SDK1: variants seen among roughly 807,000 people sequenced by gnomAD.
The protein encoded by SDK1 is sidekick cell adhesion molecule 1.
In SDK1, 157 loss-of-function variants were observed where a neutral mutation model predicts 245.5. The ratio of observed to expected loss-of-function variants is 0.64; its 90% CI spans 0.56 to 0.73. SDK1 has a LOEUF of 0.73. SDK1 is among the 30% of genes least tolerant of loss of function. SDK1 has a pLI of 0.00. For missense variants in SDK1, 3,583 were observed against 3,002.3 expected (o/e 1.19, Z -4.52); for synonymous variants, 1,647 against 1,278.5 (o/e 1.29, Z -6.15).
At chr7:4,050,835 C>G (rs1182959218) in intron 18 of SDK1, among the ~76,000 whole-genome samples, 1 of 145,586 alleles carries the variant, frequency 6.9e-6, no homozygotes, top group Non-Finnish European at 1.5e-5. Context: ...CATCTTTATT[C>G]TTTACTGTTA....
chr7:3,358,625 G>C (rs1166266386), intron 1 of SDK1, among the ~76,000 whole-genome samples: 1 of 152,094 alleles, frequency 6.6e-6, no homozygotes, highest in Non-Finnish European at 1.5e-5. Flanking sequence ...GTGCTTTCAG[G>C]AATTACTATG....
intron 1 of SDK1, among the ~76,000 whole-genome samples, chr7:3,476,339 C>T (rs965058836): frequency 6.6e-6 from 1 of 152,204 alleles, no homozygotes; most frequent in African/African-American, 2.4e-5. Flanking sequence ...GCCGTTACCG[C>T]TCCTGGTCGC....
chr7:3,977,876 A>G (rs1001773255), intron 13 of SDK1, among the ~76,000 whole-genome samples: 1 of 152,228 alleles, frequency 6.6e-6, no homozygotes, highest in African/African-American at 2.4e-5. Context: ...GCATGAAGGA[A>G]TGAATGAATG....
At chr7:3,449,363 C>T (rs1370545404) in intron 1 of SDK1, among the ~76,000 whole-genome samples, 1 of 151,018 alleles carries the variant, frequency 6.6e-6, no homozygotes, top group Non-Finnish European at 1.5e-5. Context: ...GGTACAAAAT[C>T]GTGCTTTCTA....
At chr7:4,129,637 C>A in intron 26 of SDK1, 1 of 1,319,320 alleles carries the variant, frequency 7.6e-7, no homozygotes, top group Non-Finnish European at 9.7e-7. Flanking sequence ...TGCAGTTGGG[C>A]CCTCAGATCT....
At chr7:3,581,129 A>T in intron 1 of SDK1, among the ~76,000 whole-genome samples, 1 of 152,200 alleles carries the variant, frequency 6.6e-6, no homozygotes, top group Admixed American at 6.6e-5. Flanking sequence ...ATTAAACTTA[A>T]TAGCTTTTGC....
chr7:3,983,511 G>C (rs1783578406), intron 13 of SDK1, among the ~76,000 whole-genome samples: 1 of 152,058 alleles, frequency 6.6e-6, no homozygotes, highest in African/African-American at 2.4e-5. Context: ...GTGTGTACAT[G>C]TTTTTTAGAC....
At chr7:3,500,462 G>A (rs1782161812) in intron 1 of SDK1, among the ~76,000 whole-genome samples, 1 of 152,174 alleles carries the variant, frequency 6.6e-6, no homozygotes, top group Non-Finnish European at 1.5e-5. Context: ...TTATTTGAAA[G>A]TATTGCTCCA....
intron 5 of SDK1, among the ~76,000 whole-genome samples, chr7:3,843,750 C>T (rs1408259569): frequency 6.6e-6 from 1 of 152,172 alleles, no homozygotes; most frequent in Non-Finnish European, 1.5e-5. Flanking sequence ...GGCTTTTTGG[C>T]TGCCTGGTTC....
chr7:3,615,909 G>C (rs1441581092), intron 1 of SDK1, among the ~76,000 whole-genome samples: 1 of 150,998 alleles, frequency 6.6e-6, no homozygotes, highest in Non-Finnish European at 1.5e-5. Flanking sequence ...CAGGGTCTTG[G>C]TCTGTCACCC....
intron 40 of SDK1, among the ~76,000 whole-genome samples, chr7:4,225,113 G>A (rs1049059643): frequency 3.9e-4 from 58 of 150,580 alleles, no homozygotes; most frequent in African/African-American, 1.3e-3. Flanking sequence ...GATCCCAGCA[G>A]ATGGGTGGCT....
At chr7:3,947,125 A>G (rs532821068) in intron 5 of SDK1, among the ~76,000 whole-genome samples, 4 of 152,094 alleles carry the variant, frequency 2.6e-5, no homozygotes, top group African/African-American at 9.7e-5. Flanking sequence ...GTTATTTACC[A>G]TTGTAACTCT....
intron 4 of SDK1, among the ~76,000 whole-genome samples, chr7:3,782,187 C>T (rs550349393): frequency 4.3e-4 from 65 of 152,150 alleles, no homozygotes; most frequent in Non-Finnish European, 6.9e-4. Context: ...TGGTGAGGGC[C>T]TCAGGAAGCT....
intron 1 of SDK1, among the ~76,000 whole-genome samples, chr7:3,403,306 TCATTTCATTTTACCCATTTA>T (rs1283573579): frequency 6.6e-6 from 1 of 152,188 alleles, no homozygotes; most frequent in East Asian, 1.9e-4. Context: ...TTTTGTAATT[TCATTTCATTTTACCCATTTA>T]CATCATTAAA....
intron 1 of SDK1, among the ~76,000 whole-genome samples, chr7:3,421,192 C>T (rs1779525268): frequency 6.6e-6 from 1 of 151,244 alleles, no homozygotes; most frequent in Non-Finnish European, 1.5e-5. Context: ...CTGCCTGAGC[C>T]TCCTGAGTAG....
rs528001294 is a variant in SDK1 at position 3,889,935 on chromosome 7, C to G, written c.848-60988C>G. On this transcript the variant is annotated intron_variant, in intron 5 of 44. Coordinates refer to ENST00000404826, the MANE Select transcript of SDK1 (RefSeq NM_152744.4). ...TCTTGAGAACCTTCCAGGAAACTCC[C>G]CGCTCCTCCTCCTCACTTTTGTGTA... Among the ~76,000 whole-genome samples, 4 of 152,308 alleles carry G rather than the reference C, an allele frequency of 2.6e-5. No homozygotes were observed. In the East Asian group the frequency reaches 7.7e-4, roughly 29 times the overall value.
chr7:3,455,819 T>C (rs538321296), intron 1 of SDK1, among the ~76,000 whole-genome samples: 2 of 152,254 alleles, frequency 1.3e-5, no homozygotes, highest in South Asian at 2.1e-4. Flanking sequence ...AAAAAAACTT[T>C]GCTGAGATTT....
At chr7:3,974,889 C>T (rs1225470572) in intron 13 of SDK1, 1 of 190,516 alleles carries the variant, frequency 5.2e-6, no homozygotes, top group Non-Finnish European at 1.1e-5. Flanking sequence ...ACATAATACC[C>T]TTGAGAGCCT....
At chr7:4,207,501 C>G (rs1001137096) in intron 36 of SDK1, among the ~76,000 whole-genome samples, 5 of 152,216 alleles carry the variant, frequency 3.3e-5, no homozygotes, top group Admixed American at 2.6e-4. Context: ...GAGGCCTTCC[C>G]AGCAGCCCTG....
Sources: gnomAD v4.1 joint callset for allele counts (sites outside exome capture counted in the v4.1 genomes callset) on GRCh38, gnomAD v4.1.1 for gene constraint, MANE v1.5 for transcripts, NCBI Gene and HGNC (gene_info 2026-07-23, HGNC 2026-07-21) for gene names.